The following NCKAP5 variants were observed in gnomAD, a reference collection of about 807,000 sequenced individuals.
NCKAP5 encodes nck-associated protein 5.
A neutral mutation model predicts 167.0 loss-of-function variants in NCKAP5; 92 were observed. That is an observed-to-expected ratio of 0.55 (90% CI 0.47 to 0.66). NCKAP5 has a LOEUF of 0.66. Ranked by LOEUF, NCKAP5 falls within the 30% of genes least tolerant of loss-of-function variation. NCKAP5 has a pLI of 0.00. For missense variants in NCKAP5, 2,378 were observed against 2,315.0 expected, an observed-to-expected ratio of 1.03 and a Z score of -0.56; for synonymous variants, 891 against 877.4, an observed-to-expected ratio of 1.02 and a Z score of -0.27.
chr2:133,299,896 G>GA lies in NCKAP5; in HGVS notation c.143+3140dup, dbSNP rs139215986. ...TTCATAGACCGCTAGCAAGACTAAT[G>GA]AAAAAGAGAGAAGAATCAAATAGAC... On this transcript the variant is annotated intron_variant, in intron 4 of 19. Coordinates refer to ENST00000409261, the MANE Select transcript of NCKAP5 (RefSeq NM_207363.3). Among the ~76,000 whole-genome samples, 3 of 151,614 alleles carry GA rather than the reference G, an allele frequency of 2.0e-5. No homozygotes were observed. In the South Asian group the frequency reaches 6.2e-4, roughly 32 times the overall value.
chr2:132,892,482 T>C (rs777735484), intron 8 of NCKAP5, among the ~76,000 whole-genome samples: 8 of 152,126 alleles, frequency 5.3e-5, no homozygotes, highest in Non-Finnish European at 1.2e-4. Flanking sequence ...CAAGCTAGGG[T>C]GGACTAGAGT....
At chr2:133,565,947 G>A (rs72849426) in intron 1 of NCKAP5, among the ~76,000 whole-genome samples, 20,204 of 152,146 alleles carry the variant, frequency 0.13, 1,627 homozygotes, top group Middle Eastern at 0.27. Flanking sequence ...TGCTTTCGAC[G>A]GAAAGAGGTA....
At chr2:133,453,869 A>T (rs1691691101) in intron 3 of NCKAP5, among the ~76,000 whole-genome samples, 1 of 151,780 alleles carries the variant, frequency 6.6e-6, no homozygotes, top group African/African-American at 2.4e-5. Flanking sequence ...TAAGTTGAAA[A>T]CAAGAAAGAA....
At chr2:132,679,249 G>A (rs1165728964) in intron 19 of NCKAP5, among the ~76,000 whole-genome samples, 1 of 152,122 alleles carries the variant, frequency 6.6e-6, no homozygotes, top group Non-Finnish European at 1.5e-5. Flanking sequence ...ACTACAGCAT[G>A]AAGGAACAGA....
chr2:133,289,565 A>T (rs547465801), intron 4 of NCKAP5, among the ~76,000 whole-genome samples: 6 of 152,140 alleles, frequency 3.9e-5, no homozygotes, highest in Non-Finnish European at 8.8e-5. Context: ...AACATGGTGG[A>T]ACCCTGTCTC....
chr2:132,745,076 CAGG>C (rs1370068683), intron 16 of NCKAP5, among the ~76,000 whole-genome samples: 2 of 151,684 alleles, frequency 1.3e-5, no homozygotes, highest in East Asian at 1.9e-4. Context: ...CTTTAGAAAA[CAGG>C]AGAAGAGCAA....
intron 8 of NCKAP5, among the ~76,000 whole-genome samples, chr2:132,883,612 C>T (rs1691967481): frequency 6.6e-6 from 1 of 152,228 alleles, no homozygotes; most frequent in Non-Finnish European, 1.5e-5. Flanking sequence ...CCTTGCCCAA[C>T]AGCCCACTGG....
At chr2:133,610,397 A>G in the NCKAP5 span, among the ~76,000 whole-genome samples, 46 of 152,286 alleles carry the variant, frequency 3.0e-4, no homozygotes, top group African/African-American at 1.1e-3. Context: ...GTGAGGAAGA[A>G]GAAGCTTGGG....
At chr2:133,237,654 G>T (rs924397602) in intron 4 of NCKAP5, among the ~76,000 whole-genome samples, 3 of 152,190 alleles carry the variant, frequency 2.0e-5, no homozygotes, top group African/African-American at 7.2e-5. Context: ...CCGTGATAAA[G>T]ACAATTGAAG....
intron 6 of NCKAP5, among the ~76,000 whole-genome samples, chr2:133,109,964 C>A (rs2081854172): frequency 6.6e-6 from 1 of 152,178 alleles, no homozygotes; most frequent in African/African-American, 2.4e-5. Flanking sequence ...ACAAATTACT[C>A]ATTTCCTTGG....
intron 6 of NCKAP5, among the ~76,000 whole-genome samples, chr2:133,095,647 G>A (rs556112146): frequency 6.6e-6 from 1 of 152,332 alleles, no homozygotes; most frequent in East Asian, 1.9e-4. Context: ...GGGCAACCCA[G>A]ACAACTGTGA....
chr2:133,339,423 C>T (rs761858685), intron 3 of NCKAP5, among the ~76,000 whole-genome samples: 3 of 152,084 alleles, frequency 2.0e-5, no homozygotes, highest in Non-Finnish European at 2.9e-5. Flanking sequence ...ATAGGTTGCT[C>T]TGGTCTTTGA....
At chr2:132,836,836 T>C (rs1687924845) in intron 11 of NCKAP5, among the ~76,000 whole-genome samples, 2 of 152,224 alleles carry the variant, frequency 1.3e-5, no homozygotes, top group African/African-American at 4.8e-5. Context: ...TTCATGAGAC[T>C]GCCTAGTCAT....
intron 16 of NCKAP5, among the ~76,000 whole-genome samples, chr2:132,758,879 T>G (rs1424934425): frequency 6.6e-6 from 1 of 152,206 alleles, no homozygotes; most frequent in Admixed American, 6.5e-5. Context: ...ATGCATATTA[T>G]CAAATTATTA....
At chr2:133,333,526 C>T (rs1007860676) in intron 3 of NCKAP5, among the ~76,000 whole-genome samples, 1 of 152,196 alleles carries the variant, frequency 6.6e-6, no homozygotes, top group African/African-American at 2.4e-5. Flanking sequence ...AAAGACTCAA[C>T]GGTCCTACCT....
At chr2:133,111,004 C>A (rs770968250) in intron 6 of NCKAP5, among the ~76,000 whole-genome samples, 15 of 152,102 alleles carry the variant, frequency 9.9e-5, no homozygotes, top group Admixed American at 2.6e-4. Context: ...CCTCTTGTTA[C>A]AAAGGCACCA....
chr2:133,571,300 G>T (rs928239610), upstream of NCKAP5, among the ~76,000 whole-genome samples: 1 of 152,014 alleles, frequency 6.6e-6, no homozygotes, highest in Admixed American at 6.5e-5. Flanking sequence ...ATACCTTCCC[G>T]AGGGAGAGTT....
In NCKAP5 at chr2:133,499,394, A is replaced by G. The variant is rs183364568; in HGVS notation, c.69+18064T>C. Among the ~76,000 whole-genome samples, 432 of 152,354 alleles carry G rather than the reference A, an allele frequency of 2.8e-3. 2 individuals are homozygous for G. Among genetic ancestry groups the G allele is most frequent in the Non-Finnish European group, 4.6e-3 (314 of 68,036 alleles). On this transcript the variant is annotated intron_variant, in intron 3 of 19. Transcript: ENST00000409261. ...TCATCTGTGGGTTCTAAAAATGCAC[A>G]AACTAGATGGAACATCATAAACACA...
chr2:133,108,135 G>A (rs2081778795), intron 6 of NCKAP5, among the ~76,000 whole-genome samples: 1 of 152,154 alleles, frequency 6.6e-6, no homozygotes, highest in Non-Finnish European at 1.5e-5. Flanking sequence ...GTGATCCAGA[G>A]TTCTGATTTA....
Sources: allele counts gnomAD v4.1 joint callset (sites outside exome capture counted in the v4.1 genomes callset), GRCh38; gene constraint gnomAD v4.1.1; transcripts MANE v1.5; gene names NCBI Gene and HGNC (gene_info 2026-07-23, HGNC 2026-07-21).